The following DOK6 variants were observed in gnomAD, a reference collection of about 807,000 sequenced individuals.
The protein encoded by DOK6 is docking protein 6, also known as downstream of tyrosine kinase 6.
In DOK6, 22 loss-of-function variants were observed where a neutral mutation model predicts 44.0. That is an observed-to-expected ratio of 0.50 (90% CI 0.36 to 0.71). The LOEUF (loss-of-function observed/expected upper bound fraction) is 0.71, where lower values mean the gene tolerates loss of function less well. DOK6 is among the 30% of genes least tolerant of loss of function. DOK6 has a pLI of 0.00. For synonymous variants in DOK6, 166 were observed against 145.5 expected (o/e 1.14, Z -1.01); for missense variants, 340 against 416.4 (o/e 0.82, Z 1.60).
intron 2 of DOK6, among the ~76,000 whole-genome samples, chr18:69,584,063 G>A (rs1182722232): frequency 9.7e-5 from 14 of 144,436 alleles, no homozygotes; most frequent in South Asian, 4.3e-4. Context: ...AGCCGAGATC[G>A]CGCCACTGCA....
At chr18:69,715,035 T>A (rs1986851798) in intron 5 of DOK6, among the ~76,000 whole-genome samples, 1 of 152,130 alleles carries the variant, frequency 6.6e-6, no homozygotes, top group East Asian at 1.9e-4. Context: ...GAATGAAAAA[T>A]CCTTTATATA....
rs143942500 is a variant in DOK6, at chr18:69,597,857, T to C, written c.175-1527T>C. The stretch of plus-strand genomic sequence containing the variant: ...ACCACAGATGTGCCATGTGTATTTA[T>C]GTTGGGGTTGTAAATACATTTTTGC... On this transcript the variant is annotated intron_variant, in intron 2 of 7. Transcript: ENST00000382713. Among the ~76,000 whole-genome samples, 192 of 152,362 alleles carry C rather than the reference T, an allele frequency of 1.3e-3. 2 individuals carry two copies. The highest frequency in any genetic ancestry group is 4.3e-3 in the African/African-American group (180 of 41,596).
intron 5 of DOK6, among the ~76,000 whole-genome samples, chr18:69,727,283 T>A (rs759004807): frequency 2.6e-5 from 4 of 152,146 alleles, no homozygotes; most frequent in Non-Finnish European, 5.9e-5. Flanking sequence ...CACGTGAGTT[T>A]GGGGGAACAC....
rs999129217 is a variant in DOK6, at chr18:69,762,646, A to G, written c.856+4773A>G. Among the ~76,000 whole-genome samples the G allele has an allele frequency of 3.3e-5, 5 of 152,360 alleles. No homozygotes were observed. In the East Asian group the frequency reaches 7.7e-4, roughly 24 times the overall value. On this transcript the variant is annotated intron_variant, in intron 7 of 7. Coordinates refer to ENST00000382713, the MANE Select transcript of DOK6 (RefSeq NM_152721.6). ...GAAAACAAAAGCAGAAAACTTTCAT[A>G]TATTTAAAGTTTAAGAGATTAAGAT...
chr18:69,410,914 TC>T (rs1978303194), intron 1 of DOK6, among the ~76,000 whole-genome samples: 2 of 152,280 alleles, frequency 1.3e-5, no homozygotes, highest in South Asian at 4.1e-4. Context: ...AAACCTGGGC[TC>T]ATGGCTGTGA....
intron 1 of DOK6, among the ~76,000 whole-genome samples, chr18:69,526,097 T>C (rs934554828): frequency 1.4e-4 from 22 of 152,158 alleles, no homozygotes; most frequent in African/African-American, 5.1e-4. Context: ...TCATATATTA[T>C]AGAATTCACC....
intron 1 of DOK6, among the ~76,000 whole-genome samples, chr18:69,405,478 G>C (rs776228964): frequency 2.6e-5 from 4 of 152,134 alleles, no homozygotes; most frequent in Non-Finnish European, 5.9e-5. Flanking sequence ...TACTCAGGAG[G>C]CTGAGGTGCG....
At chr18:69,768,370 A>G (rs1408014492) in intron 7 of DOK6, among the ~76,000 whole-genome samples, 1 of 152,024 alleles carries the variant, frequency 6.6e-6, no homozygotes, top group Non-Finnish European at 1.5e-5. Context: ...CTGGTTCACC[A>G]TATATGGCTT....
At chr18:69,797,403 A>G (rs1281788001) in intron 7 of DOK6, among the ~76,000 whole-genome samples, 3 of 152,162 alleles carry the variant, frequency 2.0e-5, no homozygotes, top group Admixed American at 2.0e-4. Flanking sequence ...TCTTGAGATT[A>G]TATTAACCTT....
intron 1 of DOK6, among the ~76,000 whole-genome samples, chr18:69,537,356 T>C (rs970579553): frequency 1.3e-5 from 2 of 152,158 alleles, no homozygotes; most frequent in Non-Finnish European, 2.9e-5. Context: ...CTTCTCTTTG[T>C]CTCAGTGCAC....
At chr18:69,613,462 G>A (rs1263671984) in intron 3 of DOK6, among the ~76,000 whole-genome samples, 2 of 152,038 alleles carry the variant, frequency 1.3e-5, no homozygotes, top group East Asian at 1.9e-4. Context: ...GAAACCCAAA[G>A]TTTGGTTAAT....
At chr18:69,497,913 C>A (rs1980938316) in intron 1 of DOK6, among the ~76,000 whole-genome samples, 1 of 151,918 alleles carries the variant, frequency 6.6e-6, no homozygotes, top group African/African-American at 2.4e-5. Context: ...TCACTTGAAG[C>A]TAGGAATTTG....
chr18:69,409,130 A>T (rs905405223), intron 1 of DOK6, among the ~76,000 whole-genome samples: 1 of 152,098 alleles, frequency 6.6e-6, no homozygotes, highest in African/African-American at 2.4e-5. Flanking sequence ...ATGATTTTAT[A>T]AGGGGCTTCC....
intron 5 of DOK6, among the ~76,000 whole-genome samples, chr18:69,699,777 T>C (rs931945521): frequency 6.6e-6 from 1 of 152,204 alleles, no homozygotes; most frequent in Non-Finnish European, 1.5e-5. Context: ...GTTTTAGAGA[T>C]TCACTGACCT....
chr18:69,660,520 A>G (rs1219101055), intron 3 of DOK6: 1 of 152,016 alleles, frequency 6.6e-6, no homozygotes, highest in Admixed American at 6.6e-5. Context: ...TCATTTTTCT[A>G]CTTGAAATGA....
At chr18:69,752,296 T>G (rs11151533) in intron 6 of DOK6, among the ~76,000 whole-genome samples, 80,549 of 152,012 alleles carry the variant, frequency 0.53, 24,613 homozygotes, top group East Asian at 0.69. Context: ...TGTATTAAAA[T>G]GTGAACACCA....
At chr18:69,718,577 G>T (rs1986935039) in intron 5 of DOK6, among the ~76,000 whole-genome samples, 1 of 152,060 alleles carries the variant, frequency 6.6e-6, no homozygotes, top group South Asian at 2.1e-4. Flanking sequence ...CCATTATGAG[G>T]CCCCTATTTA....
At chr18:69,419,726 C>A (rs1978433187) in intron 1 of DOK6, among the ~76,000 whole-genome samples, 1 of 152,014 alleles carries the variant, frequency 6.6e-6, no homozygotes, top group Admixed American at 6.6e-5. Flanking sequence ...GCATTAATAC[C>A]AACCCCAGCA....
chr18:69,696,306 C>T (rs1986388395), intron 4 of DOK6, among the ~76,000 whole-genome samples: 1 of 152,136 alleles, frequency 6.6e-6, no homozygotes, highest in Non-Finnish European at 1.5e-5. Flanking sequence ...ATGTACCATC[C>T]ACTGGAAGGA....
Sources: gnomAD v4.1 joint callset for allele counts (sites outside exome capture counted in the v4.1 genomes callset) on GRCh38, gnomAD v4.1.1 for gene constraint, MANE v1.5 for transcripts, NCBI Gene and HGNC (gene_info 2026-07-23, HGNC 2026-07-21) for gene names.